Variants in ASIC2 observed in about 807,000 individuals in gnomAD.
ASIC2 encodes the protein acid sensing ion channel subunit 2.
Under a neutral mutation model 57.3 loss-of-function variants are expected in ASIC2, and 25 were observed. The observed-to-expected ratio is 0.44, with a 90% CI of 0.32 to 0.61. The LOEUF is 0.61. Ranked by LOEUF, ASIC2 falls within the 20% of genes least tolerant of loss-of-function variation. ASIC2 has a pLI of 0.06. For missense variants in ASIC2, 641 were observed against 738.1 expected (o/e 0.87, Z 1.52); for synonymous variants, 319 against 307.5 (o/e 1.04, Z -0.39).
intron 1 of ASIC2, among the ~76,000 whole-genome samples, chr17:33,579,818 G>C (rs540042483): frequency 6.6e-6 from 1 of 152,006 alleles, no homozygotes; most frequent in African/African-American, 2.4e-5. Flanking sequence ...CTTGGATTTC[G>C]GCGTCTGGCT....
intron 1 of ASIC2, among the ~76,000 whole-genome samples, chr17:33,221,761 T>TTTTC (rs1377018028): frequency 6.6e-6 from 1 of 152,240 alleles, no homozygotes; most frequent in Non-Finnish European, 1.5e-5. Flanking sequence ...GATACTTTTT[T>TTTTC]TTTCTGAAAG....
Position 33,015,856 on chromosome 17 carries a change from C to T in ASIC2, c.1590+115G>A, listed in dbSNP as rs970629632. 19 of 1,087,352 alleles carry T rather than the reference C, an allele frequency of 1.7e-5. 1 individual carries two copies. In the South Asian group the frequency reaches 2.0e-4, roughly 12 times the overall value. 67.4% of individuals were successfully genotyped at this position (1,087,352 alleles called of 1,614,324 possible). A position where few individuals can be genotyped will look rare whatever the true frequency, so the allele number is the denominator to read the frequency against. On this transcript the variant is annotated intron_variant, in intron 9 of 9. Coordinates refer to ENST00000225823, the MANE Select transcript of ASIC2 (RefSeq NM_183377.2). The stretch of plus-strand genomic sequence containing the variant: ...TGGGAACTGACAGCATGTCCCAAGC[C>T]ATGGAAAGGTGTGCAGTGAGTCACA...
intron 2 of ASIC2, among the ~76,000 whole-genome samples, chr17:33,110,359 C>G (rs892883875): frequency 3.3e-5 from 5 of 152,154 alleles, no homozygotes; most frequent in African/African-American, 4.8e-5. Context: ...TGTCCACCAG[C>G]CCTCAGGGAT....
intron 1 of ASIC2, among the ~76,000 whole-genome samples, chr17:33,528,167 G>GGTGTGTGTGT (rs56235143): frequency 0.036 from 5,164 of 143,386 alleles, 119 homozygotes; most frequent in Middle Eastern, 0.051. Flanking sequence ...GTATGTGGTA[G>GGTGTGTGTGT]GTGTGTGTGT....
intron 1 of ASIC2, among the ~76,000 whole-genome samples, chr17:33,578,538 C>T (rs1916720286): frequency 6.6e-6 from 1 of 152,244 alleles, no homozygotes; most frequent in Admixed American, 6.5e-5. Flanking sequence ...GACAAAATGG[C>T]TAAGGGACAC....
At chr17:33,295,374 A>G (rs1350141062), upstream of ASIC2, among the ~76,000 whole-genome samples, 1 of 152,218 alleles carries the variant, frequency 6.6e-6, no homozygotes, top group Admixed American at 6.5e-5. Flanking sequence ...TTTATGGCAC[A>G]TGTATGCAGC....
chr17:33,122,892 C>T (rs1337102686), intron 1 of ASIC2, among the ~76,000 whole-genome samples: 3 of 151,920 alleles, frequency 2.0e-5, no homozygotes, highest in Non-Finnish European at 4.4e-5. Context: ...ATAAAAAATG[C>T]CCAACATCAC....
chr17:33,757,936 G>A lies in ASIC2; in HGVS notation c.555+398042C>T, dbSNP rs530391941. Among the ~76,000 whole-genome samples the A allele has an allele frequency of 9.8e-5, 15 of 152,304 alleles. No homozygotes were observed. The East Asian group carries it at 1.7e-3, about 18-fold the overall frequency. On this transcript the variant is annotated intron_variant, in intron 1 of 9. Coordinates refer to the ASIC2 transcript ENST00000359872. ...GATTGGGAGGGTATGAGCTGCAGAA[G>A]CCTTTCCGTAAGCAAAAAGAGAAAT...
intron 1 of ASIC2, among the ~76,000 whole-genome samples, chr17:33,985,789 A>T (rs554621420): frequency 6.6e-6 from 1 of 152,322 alleles, no homozygotes; most frequent in South Asian, 2.1e-4. Flanking sequence ...GGTAATGTAG[A>T]AGTCTTTACA....
chr17:34,034,942 G>T (rs1907805674), intron 1 of ASIC2, among the ~76,000 whole-genome samples: 1 of 152,002 alleles, frequency 6.6e-6, no homozygotes. Flanking sequence ...ACTGCCCAAG[G>T]TAATTTATAG....
At chr17:33,356,689 G>A (rs6505336) in intron 1 of ASIC2, among the ~76,000 whole-genome samples, 16,730 of 152,116 alleles carry the variant, frequency 0.11, 2,541 homozygotes, top group African/African-American at 0.35. Context: ...TGCACTCAGG[G>A]CCAACACCTG....
intron 1 of ASIC2, among the ~76,000 whole-genome samples, chr17:33,989,996 T>C (rs1905951584): frequency 6.6e-6 from 1 of 152,168 alleles, no homozygotes; most frequent in Admixed American, 6.5e-5. Flanking sequence ...ATAATTAGCA[T>C]GCAGGAGTGA....
At chr17:33,827,674 C>T (rs1912974961) in intron 1 of ASIC2, 3 of 151,896 alleles carry the variant, frequency 2.0e-5, no homozygotes, top group Admixed American at 2.0e-4. Context: ...AAGGAAGGAC[C>T]ACCAAACAAC....
At chr17:33,319,435 TG>T (rs1906783780) in intron 1 of ASIC2, among the ~76,000 whole-genome samples, 1 of 152,182 alleles carries the variant, frequency 6.6e-6, no homozygotes, top group African/African-American at 2.4e-5. Flanking sequence ...CAGTGATGGA[TG>T]GGGAAGAGTT....
At chr17:33,634,992 T>G (rs1359343501) in intron 1 of ASIC2, 1 of 152,206 alleles carries the variant, frequency 6.6e-6, no homozygotes, top group East Asian at 1.9e-4. Context: ...TATGGGGAAT[T>G]TCACACATTC....
intron 1 of ASIC2, among the ~76,000 whole-genome samples, chr17:33,672,684 T>C (rs12603366): frequency 0.089 from 13,510 of 152,274 alleles, 734 homozygotes; most frequent in Non-Finnish European, 0.12. Context: ...AGCCTGCTGA[T>C]GTTATCTTCC....
intron 1 of ASIC2, among the ~76,000 whole-genome samples, chr17:34,124,510 G>T (rs1911716631): frequency 6.6e-6 from 1 of 152,092 alleles, no homozygotes; most frequent in Non-Finnish European, 1.5e-5. Flanking sequence ...TTAATCTGAT[G>T]GGTTTGCCTG....
intron 1 of ASIC2, among the ~76,000 whole-genome samples, chr17:33,413,419 A>C (rs1294486033): frequency 2.0e-5 from 3 of 152,180 alleles, no homozygotes; most frequent in African/African-American, 7.2e-5. Flanking sequence ...TTGCAGCCTG[A>C]ATACAGTCAA....
chr17:33,876,906 G>A (rs1274366571), intron 1 of ASIC2, among the ~76,000 whole-genome samples: 3 of 152,150 alleles, frequency 2.0e-5, no homozygotes, highest in South Asian at 2.1e-4. Context: ...AGTTTGGCAC[G>A]CGTTCAGGTT....
Sources: gnomAD v4.1 joint callset for allele counts (sites outside exome capture counted in the v4.1 genomes callset) on GRCh38, gnomAD v4.1.1 for gene constraint, MANE v1.5 for transcripts, NCBI Gene and HGNC (gene_info 2026-07-23, HGNC 2026-07-21) for gene names.